The following SGCZ variants were observed in gnomAD, a reference collection of about 807,000 sequenced individuals.
The protein encoded by SGCZ is zeta-sarcoglycan.
SGCZ carries 40 observed loss-of-function variants against 41.3 expected under a neutral mutation model. The ratio of observed to expected loss-of-function variants is 0.97; its 90% CI spans 0.75 to 1.26. The LOEUF (loss-of-function observed/expected upper bound fraction) is 1.26, where lower values mean the gene tolerates loss of function less well. SGCZ is among the 50% of genes most tolerant of loss of function. SGCZ has a pLI of 0.00. For missense variants in SGCZ, 552 were observed against 369.8 expected, an observed-to-expected ratio of 1.49 and a Z score of -4.04; for synonymous variants, 206 against 137.5, an observed-to-expected ratio of 1.50 and a Z score of -3.49.
intron 2 of SGCZ, among the ~76,000 whole-genome samples, chr8:14,458,298 C>T (rs1800807040): frequency 6.6e-6 from 1 of 151,902 alleles, no homozygotes; most frequent in African/African-American, 2.4e-5. Context: ...AGTGAACTAC[C>T]CTAAATAACT....
intron 3 of SGCZ, among the ~76,000 whole-genome samples, chr8:14,298,474 A>C (rs944953416): frequency 1.3e-5 from 2 of 152,016 alleles, no homozygotes; most frequent in African/African-American, 4.8e-5. Context: ...TTAGAAACAA[A>C]AGTGAACTTA....
intron 3 of SGCZ, among the ~76,000 whole-genome samples, chr8:14,323,028 C>T (rs765745244): frequency 6.6e-6 from 1 of 151,956 alleles, no homozygotes; most frequent in South Asian, 2.1e-4. Flanking sequence ...CTTGTCTGAA[C>T]GATACCCAGA....
intron 1 of SGCZ, among the ~76,000 whole-genome samples, chr8:14,968,639 A>G (rs1208807848): frequency 1.3e-5 from 2 of 152,126 alleles, no homozygotes; most frequent in Non-Finnish European, 2.9e-5. Flanking sequence ...GAGAATTATC[A>G]AAAGTTTAGG....
rs189493197 is a variant in SGCZ, at chr8:14,990,231, A to C, written c.39+247354T>G. On this transcript the variant is annotated intron_variant, in intron 1 of 7. Transcript: ENST00000382080. ...AGAAAATCAAAAATATAAACCCAAAATTTAGTGTGATTTAGAGTAAGAGGC... is the reference window on the plus strand; with the variant it reads ...AGAAAATCAAAAATATAAACCCAAACTTTAGTGTGATTTAGAGTAAGAGGC... Among the ~76,000 whole-genome samples, 295 of 152,256 alleles carry C rather than the reference A, an allele frequency of 1.9e-3. 1 individual carries two copies. Among genetic ancestry groups the C allele is most frequent in the African/African-American group, 6.8e-3 (283 of 41,554 alleles).
chr8:14,865,842 G>A (rs1803913173), intron 1 of SGCZ, among the ~76,000 whole-genome samples: 1 of 152,046 alleles, frequency 6.6e-6, no homozygotes, highest in African/African-American at 2.4e-5. Flanking sequence ...GAATTCTCTG[G>A]CAAAGCAAAT....
chr8:14,382,272 C>A (rs1285095153), intron 2 of SGCZ, among the ~76,000 whole-genome samples: 1 of 152,140 alleles, frequency 6.6e-6, no homozygotes, highest in African/African-American at 2.4e-5. Flanking sequence ...AGAATATTTA[C>A]AAAACTTCTT....
chr8:14,123,692 A>C (rs528572731), intron 5 of SGCZ, among the ~76,000 whole-genome samples: 19 of 152,330 alleles, frequency 1.2e-4, no homozygotes, highest in Non-Finnish European at 7.4e-5. Context: ...TTTTTAAATG[A>C]AACAGATCAA....
intron 3 of SGCZ, among the ~76,000 whole-genome samples, chr8:14,262,607 T>TAA (rs1036851030): frequency 6.6e-6 from 1 of 151,770 alleles, no homozygotes; most frequent in Non-Finnish European, 1.5e-5. Context: ...TATATATATA[T>TAA]AATCTACATT....
intron 1 of SGCZ, among the ~76,000 whole-genome samples, chr8:15,145,854 A>G (rs1799021211): frequency 6.6e-6 from 1 of 152,166 alleles, no homozygotes; most frequent in Non-Finnish European, 1.5e-5. Context: ...ATTTATGATT[A>G]TCAAGGAGGT....
intron 2 of SGCZ, among the ~76,000 whole-genome samples, chr8:14,377,665 A>G (rs558692506): frequency 3.0e-4 from 45 of 151,718 alleles, no homozygotes; most frequent in African/African-American, 1.1e-3. Context: ...ATCTCCCAAT[A>G]CTATCCCTCC....
intron 1 of SGCZ, among the ~76,000 whole-genome samples, chr8:14,556,838 T>C (rs1001481632): frequency 7.9e-5 from 12 of 152,116 alleles, no homozygotes; most frequent in African/African-American, 2.9e-4. Flanking sequence ...TATTGACTGA[T>C]GGGCATTTGG....
At chr8:14,281,440 G>A (rs1347345001) in intron 3 of SGCZ, among the ~76,000 whole-genome samples, 1 of 141,958 alleles carries the variant, frequency 7.0e-6, no homozygotes, top group East Asian at 2.1e-4. Flanking sequence ...TATCCACTAA[G>A]GTAGTGATTC....
intron 3 of SGCZ, among the ~76,000 whole-genome samples, chr8:14,304,468 C>T (rs970328950): frequency 1.3e-5 from 2 of 152,062 alleles, no homozygotes; most frequent in African/African-American, 4.8e-5. Context: ...GTGGCACATG[C>T]CTGTGGACCC....
At chr8:15,070,591 G>A (rs894853445) in intron 1 of SGCZ, among the ~76,000 whole-genome samples, 3 of 152,130 alleles carry the variant, frequency 2.0e-5, no homozygotes, top group Non-Finnish European at 2.9e-5. Context: ...GGGCCTTCCA[G>A]AAAGACTTTG....
intron 2 of SGCZ, among the ~76,000 whole-genome samples, chr8:14,366,696 C>T (rs531054296): frequency 6.6e-6 from 1 of 152,234 alleles, no homozygotes; most frequent in African/African-American, 2.4e-5. Context: ...CATGCCTTCC[C>T]AACAATTCCC....
At chr8:14,164,238 G>C (rs920344057) in intron 5 of SGCZ, among the ~76,000 whole-genome samples, 1 of 151,762 alleles carries the variant, frequency 6.6e-6, no homozygotes, top group South Asian at 2.1e-4. Context: ...TCCTTCGCAC[G>C]TCTTTTATTT....
At chr8:14,430,705 C>A (rs896769819) in intron 2 of SGCZ, among the ~76,000 whole-genome samples, 7 of 152,060 alleles carry the variant, frequency 4.6e-5, no homozygotes, top group African/African-American at 1.7e-4. Flanking sequence ...AGCAACCAGA[C>A]AAGAGAAAGA....
chr8:14,778,832 T>C (rs1236258892), intron 1 of SGCZ, among the ~76,000 whole-genome samples: 2 of 152,234 alleles, frequency 1.3e-5, no homozygotes, highest in Non-Finnish European at 2.9e-5. Flanking sequence ...TCCCAAGTGA[T>C]GAAGAGGATA....
intron 1 of SGCZ, among the ~76,000 whole-genome samples, chr8:14,685,301 A>T (rs1055284206): frequency 1.3e-5 from 2 of 152,136 alleles, no homozygotes; most frequent in Non-Finnish European, 2.9e-5. Flanking sequence ...ATTTCCAATT[A>T]CAGAGTAAAA....
Sources: allele counts gnomAD v4.1 joint callset (sites outside exome capture counted in the v4.1 genomes callset), GRCh38; gene constraint gnomAD v4.1.1; transcripts MANE v1.5; gene names NCBI Gene and HGNC (gene_info 2026-07-23, HGNC 2026-07-21).